Variants in TBC1D5 observed in about 807,000 individuals in gnomAD.
The protein encoded by TBC1D5 is TBC1 domain family member 5, also known as TBC1 domain family, member 5.
Under a neutral mutation model 100.3 loss-of-function variants are expected in TBC1D5, and 75 were observed. That is an observed-to-expected ratio of 0.75 (90% CI 0.62 to 0.91). The LOEUF (loss-of-function observed/expected upper bound fraction) is 0.91. Among genes scored for constraint, TBC1D5 ranks in the 40% least tolerant of loss-of-function variants. The pLI is 0.00. For missense variants in TBC1D5, 910 were observed against 942.4 expected (o/e 0.97, Z 0.45); for synonymous variants, 323 against 325.6 (o/e 0.99, Z 0.09).
intron 3 of TBC1D5, among the ~76,000 whole-genome samples, chr3:17,476,675 T>A (rs936786282): frequency 6.6e-6 from 1 of 151,952 alleles, no homozygotes; most frequent in Non-Finnish European, 1.5e-5. Context: ...AATCTATAGA[T>A]CAATTTGGGG....
chr3:17,560,197 A>C (rs1397294628), intron 2 of TBC1D5, among the ~76,000 whole-genome samples: 1 of 152,234 alleles, frequency 6.6e-6, no homozygotes, highest in African/African-American at 2.4e-5. Context: ...CTTCACCATG[A>C]AGACAAGATC....
intron 13 of TBC1D5, among the ~76,000 whole-genome samples, chr3:17,322,082 T>A (rs546279624): frequency 1.3e-5 from 2 of 152,306 alleles, no homozygotes; most frequent in Admixed American, 6.5e-5. Flanking sequence ...AATTCTGCTG[T>A]GATTTGGGGG....
intron 3 of TBC1D5, among the ~76,000 whole-genome samples, chr3:17,455,333 T>A (rs1438067662): frequency 7.2e-6 from 1 of 138,040 alleles, no homozygotes; most frequent in African/African-American, 3.1e-5. Flanking sequence ...TGTGTATATA[T>A]GTATATGTAT....
chr3:17,691,135 G>T (rs2071092040), intron 1 of TBC1D5, among the ~76,000 whole-genome samples: 1 of 152,110 alleles, frequency 6.6e-6, no homozygotes, highest in Non-Finnish European at 1.5e-5. Flanking sequence ...AGATTTTAAG[G>T]AGTCTATCAC....
intron 1 of TBC1D5, among the ~76,000 whole-genome samples, chr3:17,645,183 G>A (rs1365236426): frequency 6.6e-6 from 1 of 152,122 alleles, no homozygotes. Context: ...TATTGGAGTA[G>A]AGTGAGAAGA....
At position 17,590,418 on chromosome 3, in the gene TBC1D5, T is replaced by C. The variant is rs911830359; in HGVS notation, c.-36+33431A>G. On this transcript the variant is annotated intron_variant, in intron 2 of 21. Transcript: ENST00000253692. The stretch of plus-strand genomic sequence containing the variant: ...TAAAAGATGGCACACTATGAGCAAA[T>C]TGGAAATACCTGATCTCCCTTGGTT... 1.3e-4 allele frequency among the ~76,000 whole-genome samples: 20 copies of C among 152,164 alleles called. No individual in the cohort carries two copies. In the East Asian group the frequency reaches 1.3e-3, roughly 10 times the overall value.
intron 13 of TBC1D5, among the ~76,000 whole-genome samples, chr3:17,316,173 TCTC>T (rs1399383451): frequency 1.3e-5 from 2 of 152,204 alleles, no homozygotes; most frequent in Non-Finnish European, 2.9e-5. Flanking sequence ...ACCCTTGGCT[TCTC>T]AGCCTATGCC....
chr3:17,537,491 G>A (rs1382355088), intron 2 of TBC1D5, among the ~76,000 whole-genome samples: 1 of 152,058 alleles, frequency 6.6e-6, no homozygotes, highest in East Asian at 1.9e-4. Context: ...GCCAAGAGGG[G>A]GTCTGTTCTG....
chr3:17,549,755 A>G (rs575727219), intron 2 of TBC1D5, among the ~76,000 whole-genome samples: 7 of 152,136 alleles, frequency 4.6e-5, no homozygotes, highest in African/African-American at 1.4e-4. Context: ...ATATGGTGCA[A>G]CCTCGTCTCT....
intron 3 of TBC1D5, among the ~76,000 whole-genome samples, chr3:17,492,596 G>C (rs1257079486): frequency 6.6e-6 from 1 of 151,988 alleles, no homozygotes; most frequent in Non-Finnish European, 1.5e-5. Flanking sequence ...CACCAGGTCT[G>C]GTTAATTTTT....
At position 17,575,413 on chromosome 3, in the gene TBC1D5, C is replaced by G. The variant is rs562242914; in HGVS notation, c.-36+48436G>C. 4 of 152,102 alleles carry G rather than the reference C, an allele frequency of 2.6e-5. No individual in the cohort carries two copies. The South Asian group carries it at 8.3e-4, about 32-fold the overall frequency. 9.4% of individuals were successfully genotyped at this position (152,102 alleles called of 1,614,324 possible). A position where few individuals can be genotyped will look rare whatever the true frequency, so the allele number is the denominator to read the frequency against. ...GCCTCCCTTTCTTGGAAAAAGTTCA[C>G]AAATAACATTTTTACCTGAATTTTG... On this transcript the variant is annotated intron_variant, in intron 2 of 21. Coordinates refer to ENST00000253692, the Ensembl canonical transcript of TBC1D5.
At chr3:17,702,136 CACTA>C (rs1410089994) in intron 1 of TBC1D5, 3 of 152,030 alleles carry the variant, frequency 2.0e-5, no homozygotes, top group Non-Finnish European at 2.9e-5. Context: ...TTCCAATTTC[CACTA>C]ACTGTCGTCT....
intron 1 of TBC1D5, among the ~76,000 whole-genome samples, chr3:17,707,162 T>C (rs1379938719): frequency 3.3e-5 from 5 of 151,948 alleles, no homozygotes; most frequent in Non-Finnish European, 1.5e-5. Flanking sequence ...TTATAACTTT[T>C]AACTACACTA....
chr3:17,288,986 C>T (rs573398883), intron 15 of TBC1D5, among the ~76,000 whole-genome samples: 3 of 152,302 alleles, frequency 2.0e-5, no homozygotes, highest in South Asian at 2.1e-4. Context: ...CACTGGGTTG[C>T]GGACAACAGG....
At chr3:17,440,377 G>A (rs1284070820) in intron 3 of TBC1D5, among the ~76,000 whole-genome samples, 3 of 152,130 alleles carry the variant, frequency 2.0e-5, no homozygotes, top group Non-Finnish European at 4.4e-5. Flanking sequence ...TGTAATTCTA[G>A]CACTTTGGGA....
chr3:17,564,553 T>G (rs2096581951), intron 2 of TBC1D5, among the ~76,000 whole-genome samples: 1 of 152,100 alleles, frequency 6.6e-6, no homozygotes, highest in South Asian at 2.1e-4. Context: ...ATGAAAGAAA[T>G]AAATTTGAAC....
At chr3:17,699,106 C>T (rs1346976817) in intron 1 of TBC1D5, among the ~76,000 whole-genome samples, 19 of 148,352 alleles carry the variant, frequency 1.3e-4, no homozygotes, top group Non-Finnish European at 2.1e-4. Context: ...ATGTTTATTG[C>T]GGCATTATTC....
At chr3:17,572,373 C>G (rs960921882) in intron 2 of TBC1D5, among the ~76,000 whole-genome samples, 1 of 151,832 alleles carries the variant, frequency 6.6e-6, no homozygotes, top group Non-Finnish European at 1.5e-5. Context: ...CCTTTTCCAT[C>G]TTTTCATATA....
intron 13 of TBC1D5, among the ~76,000 whole-genome samples, chr3:17,318,613 G>A (rs1485850875): frequency 2.0e-5 from 3 of 152,088 alleles, no homozygotes; most frequent in Admixed American, 1.3e-4. Flanking sequence ...GGAACATGGC[G>A]CAACCTGAGG....
Sources: allele counts gnomAD v4.1 joint callset (sites outside exome capture counted in the v4.1 genomes callset), GRCh38; gene constraint gnomAD v4.1.1; transcripts MANE v1.5; gene names NCBI Gene and HGNC (gene_info 2026-07-23, HGNC 2026-07-21).